Variants in PTPRD observed in about 807,000 individuals in gnomAD.
The protein encoded by PTPRD is protein tyrosine phosphatase receptor type D, also known as receptor-type tyrosine-protein phosphatase delta.
Under a neutral mutation model 214.5 loss-of-function variants are expected in PTPRD, and 34 were observed. The observed-to-expected ratio is 0.16, with a 90% CI of 0.12 to 0.21. The LOEUF (loss-of-function observed/expected upper bound fraction) is 0.21, where lower values mean the gene tolerates loss of function less well. PTPRD is among the 10% of genes least tolerant of loss of function. PTPRD has a pLI of 1.00. For synonymous variants in PTPRD, 1,128 were observed against 845.7 expected (o/e 1.33, Z -5.79); for missense variants, 2,545 against 2,398.7 (o/e 1.06, Z -1.27).
At chr9:9,135,744 ATATTGTAACAAT>A (rs2099849826) in intron 10 of PTPRD, among the ~76,000 whole-genome samples, 1 of 152,232 alleles carries the variant, frequency 6.6e-6, no homozygotes, top group Admixed American at 6.5e-5. Flanking sequence ...TATGAATGTT[ATATTGTAACAAT>A]TTATTTTGTT....
At chr9:8,510,907 C>T (rs62534044) in intron 21 of PTPRD, among the ~76,000 whole-genome samples, 17,513 of 152,024 alleles carry the variant, frequency 0.12, 1,059 homozygotes, top group East Asian at 0.18. Flanking sequence ...TTCTCTGGAA[C>T]ACTTGAGACA....
intron 8 of PTPRD, among the ~76,000 whole-genome samples, chr9:9,408,563 T>C (rs1451598466): frequency 6.6e-6 from 1 of 151,870 alleles, no homozygotes; most frequent in Non-Finnish European, 1.5e-5. Context: ...AAGAATAATT[T>C]TCATCAGCTT....
chr9:9,903,985 C>T lies in PTPRD; in HGVS notation c.-368+34522G>A, dbSNP rs1335402555. Reference sequence around the variant, plus strand: ...TTAACCTCTATCTTGGGTCAAAGCCCCTGCTTCACTTTTGGGATCATCAGC... The same window carrying T: ...TTAACCTCTATCTTGGGTCAAAGCCTCTGCTTCACTTTTGGGATCATCAGC... On this transcript the variant is annotated intron_variant, in intron 5 of 45. Coordinates refer to ENST00000381196, the MANE Select transcript of PTPRD (RefSeq NM_002839.4). 1.6e-4 allele frequency among the ~76,000 whole-genome samples: 25 copies of T among 152,050 alleles called. 1 individual carries two copies.
At chr9:10,132,223 C>A (rs1225004036) in intron 3 of PTPRD, among the ~76,000 whole-genome samples, 1 of 152,030 alleles carries the variant, frequency 6.6e-6, no homozygotes, top group Non-Finnish European at 1.5e-5. Flanking sequence ...TGATGTGAGA[C>A]TTTCCAGAAA....
intron 9 of PTPRD, among the ~76,000 whole-genome samples, chr9:9,240,144 A>G (rs552013070): frequency 6.6e-6 from 1 of 150,828 alleles, no homozygotes; most frequent in East Asian, 2.0e-4. Flanking sequence ...AAACTTTTCA[A>G]TAATATTTAT....
intron 3 of PTPRD, among the ~76,000 whole-genome samples, chr9:10,258,991 T>C (rs2093492483): frequency 6.6e-6 from 1 of 152,088 alleles, no homozygotes; most frequent in South Asian, 2.1e-4. Flanking sequence ...TCTGTTGTTG[T>C]TGTTGTTTGT....
chr9:9,023,248 C>A (rs2154371129), intron 10 of PTPRD, among the ~76,000 whole-genome samples: 1 of 152,236 alleles, frequency 6.6e-6, no homozygotes, highest in Non-Finnish European at 1.5e-5. Context: ...AAGAAATATT[C>A]AGTGAACTGA....
chr9:9,140,202 A>AT (rs398010280), intron 10 of PTPRD, among the ~76,000 whole-genome samples: 1 of 150,224 alleles, frequency 6.7e-6, no homozygotes. Flanking sequence ...AAAAAAAAAA[A>AT]GAAAAAGAAA....
chr9:9,908,496 C>T (rs2078252103), intron 5 of PTPRD, among the ~76,000 whole-genome samples: 1 of 152,094 alleles, frequency 6.6e-6, no homozygotes, highest in East Asian at 1.9e-4. Context: ...GTTGAGCATC[C>T]TTTCTGCTGG....
intron 11 of PTPRD, among the ~76,000 whole-genome samples, chr9:8,888,865 C>T (rs2098513574): frequency 6.6e-6 from 1 of 152,160 alleles, no homozygotes; most frequent in Admixed American, 6.5e-5. Context: ...GGTTATTGTA[C>T]TTATTAACTT....
chr9:9,737,808 T>C (rs1288873311), intron 6 of PTPRD, among the ~76,000 whole-genome samples: 1 of 152,176 alleles, frequency 6.6e-6, no homozygotes, highest in Non-Finnish European at 1.5e-5. Flanking sequence ...CTATATGTGT[T>C]TTCTTGTGTG....
At chr9:8,588,912 C>A (rs1477475342) in intron 14 of PTPRD, among the ~76,000 whole-genome samples, 1 of 151,914 alleles carries the variant, frequency 6.6e-6, no homozygotes, top group Non-Finnish European at 1.5e-5. Context: ...TTTCAGACAT[C>A]CTGAATCAGG....
chr9:8,893,086 C>T (rs1193424248), intron 11 of PTPRD, among the ~76,000 whole-genome samples: 1 of 151,884 alleles, frequency 6.6e-6, no homozygotes, highest in Non-Finnish European at 1.5e-5. Context: ...ACAGTTTAGA[C>T]ATTTAATTAG....
chr9:9,672,127 C>G (rs1488912739), intron 7 of PTPRD, among the ~76,000 whole-genome samples: 2 of 152,128 alleles, frequency 1.3e-5, no homozygotes, highest in African/African-American at 4.8e-5. Flanking sequence ...ATTAAGGAGT[C>G]TGCAGCATAA....
intron 2 of PTPRD, 37 bp from the exon 3 acceptor site, chr9:10,341,054 T>C (rs1326253312): frequency 6.6e-6 from 1 of 151,984 alleles, no homozygotes; most frequent in Admixed American, 6.6e-5. Flanking sequence ...ATCCATTATT[T>C]TACATTAATT....
intron 10 of PTPRD, among the ~76,000 whole-genome samples, chr9:9,086,230 C>A (rs1463563428): frequency 2.0e-5 from 3 of 152,108 alleles, no homozygotes; most frequent in Non-Finnish European, 4.4e-5. Flanking sequence ...GAATACTGAA[C>A]CTCCTTCTGA....
At chr9:9,006,639 C>A (rs549894702) in intron 11 of PTPRD, among the ~76,000 whole-genome samples, 1 of 152,080 alleles carries the variant, frequency 6.6e-6, no homozygotes, top group East Asian at 1.9e-4. Context: ...ACGTAAGCAT[C>A]TGCCTGCTGG....
chr9:10,322,844 AGGGAGG>A (rs2096576516), intron 3 of PTPRD, among the ~76,000 whole-genome samples: 1 of 152,032 alleles, frequency 6.6e-6, no homozygotes, highest in African/African-American at 2.4e-5. Flanking sequence ...ACATGTCATC[AGGGAGG>A]GACTCCTCAT....
intron 14 of PTPRD, among the ~76,000 whole-genome samples, chr9:8,574,600 C>A (rs2091969850): frequency 6.6e-6 from 1 of 151,924 alleles, no homozygotes. Context: ...AAAGGCTAAC[C>A]ACTAAGAAGA....
Sources: gnomAD v4.1 joint callset for allele counts (sites outside exome capture counted in the v4.1 genomes callset) on GRCh38, gnomAD v4.1.1 for gene constraint, MANE v1.5 for transcripts, NCBI Gene and HGNC (gene_info 2026-07-23, HGNC 2026-07-21) for gene names.